The following IGSF3 variants were observed in gnomAD, a reference collection of about 807,000 sequenced individuals.
IGSF3 encodes immunoglobulin superfamily member 3.
In IGSF3, 23 loss-of-function variants were observed where a neutral mutation model predicts 114.4. The ratio of observed to expected loss-of-function variants is 0.20; its 90% CI spans 0.14 to 0.28. The LOEUF (loss-of-function observed/expected upper bound fraction) is 0.28, where lower values mean the gene tolerates loss of function less well. Ranked by LOEUF, IGSF3 falls within the 10% of genes least tolerant of loss-of-function variation. The probability of loss-of-function intolerance (pLI) is 1.00; values close to 1 mark genes in which losing one functional copy is unlikely to be tolerated. For synonymous variants in IGSF3, 571 were observed against 645.2 expected (o/e 0.88, Z 1.74); for missense variants, 1,172 against 1,591.5 (o/e 0.74, Z 4.48).
Position 116,598,981 on chromosome 1 carries a change from A to G in IGSF3, c.2029+960T>C, listed in dbSNP as rs1476900298. Reference sequence around the variant, plus strand: ...TTATGATCCGCTTTGAGACAGACTCAGCCTCCATAGAGAAAGGAGCTCAAA... The same window carrying G: ...TTATGATCCGCTTTGAGACAGACTCGGCCTCCATAGAGAAAGGAGCTCAAA... On this transcript the variant is annotated intron_variant, in intron 7 of 10. Coordinates refer to ENST00000369486, the MANE Select transcript of IGSF3 (RefSeq NM_001007237.3). This position sits in a 1 kb window ranked among gnomAD's most constrained non-coding sequence, Gnocchi z 4.3. Among the ~76,000 whole-genome samples the G allele has an allele frequency of 6.6e-6, 1 of 152,220 alleles. No individual in the cohort carries two copies. The highest frequency in any genetic ancestry group is 1.5e-5 in the Non-Finnish European group (1 of 68,032).
At position 116,610,602 on chromosome 1, in the gene IGSF3, C is replaced by T. The variant is rs1660983801; in HGVS notation, c.833-2271G>A. Among the ~76,000 whole-genome samples the T allele has an allele frequency of 6.6e-6, 1 of 152,174 alleles. No individual in the cohort carries two copies. The highest frequency in any genetic ancestry group is 1.5e-5 in the Non-Finnish European group (1 of 68,030). On this transcript the variant is annotated intron_variant, in intron 4 of 10. Transcript: ENST00000369486. This position sits in a 1 kb window ranked among gnomAD's most constrained non-coding sequence, Gnocchi z 4.3. ...TACCCCCATCCTAACCAAAGGCTTT[C>T]CTCAAGCAGGTTGAGGCCTCTGAGC...
In IGSF3 at chr1:116,584,905, T is replaced by C; in HGVS notation, c.2588A>G (p.Glu863Gly). ...EWFVWKPNHP[E>G]RETVARLSRD... ...GCTCAAGCGGGCCACAGTCTCCCGC[T>C]CAGGGTGGTTGGGCTTCCATACAAA... The change falls in exon 9 of 11, where the codon GAG becomes GGG. Residue 863 changes from glutamate (E) to glycine (G), a missense_variant. This residue lies in a region of IGSF3 where 423 missense variants were observed against 509.8 expected (regional missense o/e 0.83). Transcript: ENST00000369486. The surrounding 1 kb of genome is among the most constrained non-coding windows in gnomAD (Gnocchi z 5.8). The C allele has an allele frequency of 1.2e-6, 2 of 1,614,140 alleles. No individual in the cohort carries two copies.
At position 116,627,036 on chromosome 1, in the gene IGSF3, G is replaced by C. The variant is rs1647319516; in HGVS notation, c.44-10579C>G. 6.6e-6 allele frequency among the ~76,000 whole-genome samples: 1 copy of C among 152,180 alleles called. No homozygotes were observed. Among genetic ancestry groups the C allele is most frequent in the African/African-American group, 2.4e-5 (1 of 41,434 alleles). ...AGAGGGGAAAAAAATTAAAAGGCAA[G>C]ATCAGATTACTTGCCTGTAAATGTT... On this transcript the variant is annotated intron_variant, in intron 2 of 10. Transcript: ENST00000369486. The surrounding 1 kb of genome is among the most constrained non-coding windows in gnomAD (Gnocchi z 4.7).
rs1249159594 is a variant in IGSF3, at chr1:116,592,820, T to C, written c.2030-3716A>G. 6.6e-6 allele frequency among the ~76,000 whole-genome samples: 1 copy of C among 152,192 alleles called. No individual in the cohort carries two copies. The highest frequency in any genetic ancestry group is 2.4e-5 in the African/African-American group (1 of 41,450). ...CAGGGCAGGGACTCTGACCCAATCA[T>C]TGTTAAACTAATCAATGAATGGTTG... is the stretch of plus-strand genomic sequence containing the variant. On this transcript the variant is annotated intron_variant, in intron 7 of 10. Coordinates refer to ENST00000369486, the MANE Select transcript of IGSF3 (RefSeq NM_001007237.3). This position sits in a 1 kb window ranked among gnomAD's most constrained non-coding sequence, Gnocchi z 4.5.
Position 116,661,196 on chromosome 1 carries a change from G to A in IGSF3, c.43+5088C>T, listed in dbSNP as rs1361026328. Among the ~76,000 whole-genome samples, 1 of 152,206 alleles carries A rather than the reference G, an allele frequency of 6.6e-6. No individual in the cohort carries two copies. Among genetic ancestry groups the A allele is most frequent in the Non-Finnish European group, 1.5e-5 (1 of 68,042 alleles). ...TAATCCCAGCTACTCGGGAGGCTGA[G>A]GCAGGAGAATCGCGTGAACCCAGCA... On this transcript the variant is annotated intron_variant, in intron 2 of 10. Coordinates refer to ENST00000369486, the MANE Select transcript of IGSF3 (RefSeq NM_001007237.3). This position sits in a 1 kb window ranked among gnomAD's most constrained non-coding sequence, Gnocchi z 4.0.
chr1:116,655,496 C>T lies in IGSF3; in HGVS notation c.43+10788G>A, dbSNP rs4839548. 0.01 allele frequency among the ~76,000 whole-genome samples: 1,578 copies of T among 152,292 alleles called. 85 individuals are homozygous for T. Among genetic ancestry groups the T allele is most frequent in the Admixed American group, 0.094 (1,440 of 15,298 alleles). On this transcript the variant is annotated intron_variant, in intron 2 of 10. Transcript: ENST00000369486. This position sits in a 1 kb window ranked among gnomAD's most constrained non-coding sequence, Gnocchi z 4.3. ...CCGTGAACGTTGAGAAGTAACCCAA[C>T]GCTGTGAAATGATAATCTTTTTACA...
chr1:116,574,567 A>G lies in IGSF3; in HGVS notation c.*2745T>C, dbSNP rs1320698138. 1 of 152,532 alleles carries G rather than the reference A, an allele frequency of 6.6e-6. No individual in the cohort carries two copies. Among genetic ancestry groups the G allele is most frequent in the African/African-American group, 2.4e-5 (1 of 41,414 alleles). The allele number at this position is 152,532 out of a possible 1,614,324, so 9.4% of individuals were successfully genotyped here. A position where few individuals can be genotyped will look rare whatever the true frequency, so the allele number is the denominator to read the frequency against. On this transcript the variant is annotated 3_prime_UTR_variant, in exon 11 of 11. Transcript: ENST00000369486. The surrounding 1 kb of genome is among the most constrained non-coding windows in gnomAD (Gnocchi z 5.2). The stretch of plus-strand genomic sequence containing the variant: ...TACCCCATCTTTTTTTTTCCTCAAT[A>G]ATTAACGCAGAGAAACCATTGTTTG...
rs74378218 is a variant in IGSF3, at chr1:116,589,642, G to A, written c.2030-538C>T. Among the ~76,000 whole-genome samples the A allele has an allele frequency of 1.3e-5, 2 of 151,866 alleles. No homozygotes were observed. The highest frequency in any genetic ancestry group is 1.3e-4 in the Admixed American group (2 of 15,248). On this transcript the variant is annotated intron_variant, in intron 7 of 10. Transcript: ENST00000369486. This position sits in a 1 kb window ranked among gnomAD's most constrained non-coding sequence, Gnocchi z 5.7. ...GTCTCCTTCTGCCACCTCCCACCCT[G>A]ACCCTTCTCTCCACTTATCCCTCAT...
At position 116,579,622 on chromosome 1, in the gene IGSF3, C is replaced by G; in HGVS notation, c.3104G>C (p.Ser1035Thr). 3 of 1,614,064 alleles carry G rather than the reference C, an allele frequency of 1.9e-6. No individual in the cohort carries two copies. Among genetic ancestry groups the G allele is most frequent in the Non-Finnish European group, 2.5e-6 (3 of 1,179,998 alleles). The part of the protein sequence containing the change: ...DDPTERTALL[S>T]VGPDAVFGPE... ...GCCAAAGACAGCATCTGGGCCCACG[C>G]TCAGCAGGGCCGTCCGCTCTGTTGG... Residue 1035 changes from serine to threonine, a missense_variant, in exon 10 of 11, where the codon AGC becomes ACC. Coordinates refer to ENST00000369486, the MANE Select transcript of IGSF3 (RefSeq NM_001007237.3). This position sits in a 1 kb window ranked among gnomAD's most constrained non-coding sequence, Gnocchi z 6.4.
intron 2 of IGSF3, among the ~76,000 whole-genome samples, chr1:116,619,856 TAGAA>T (rs1349552874): frequency 5.9e-5 from 9 of 151,980 alleles, no homozygotes; most frequent in African/African-American, 1.7e-4. Flanking sequence ...TTCTGTAACA[TAGAA>T]AGAAAGATCA....
intron 2 of IGSF3, among the ~76,000 whole-genome samples, chr1:116,623,913 C>T (rs529460604): frequency 7.4e-4 from 112 of 151,152 alleles, no homozygotes; most frequent in African/African-American, 2.7e-3. Context: ...TGGTGAAACC[C>T]TGTCCCTACT....
At chr1:116,666,175 T>C (rs1165818335) in intron 2 of IGSF3, 109 bp downstream of exon 2, 2 of 1,063,968 alleles carry the variant, frequency 1.9e-6, no homozygotes, top group East Asian at 2.4e-5. Flanking sequence ...GACCGCCTCC[T>C]GGTGTCCCCC....
rs1337489865 is a variant in IGSF3, at chr1:116,584,045, C to T, written c.2848+600G>A. ...CTCTACTAAAAATACACAAATTAGC[C>T]GGGTGTGGTGGCATGAGCCTGTAGT... is the stretch of plus-strand genomic sequence containing the variant. On this transcript the variant is annotated intron_variant, in intron 9 of 10. Coordinates refer to ENST00000369486, the MANE Select transcript of IGSF3 (RefSeq NM_001007237.3). The surrounding 1 kb of genome is among the most constrained non-coding windows in gnomAD (Gnocchi z 5.8). Among the ~76,000 whole-genome samples, 3 of 151,892 alleles carry T rather than the reference C, an allele frequency of 2.0e-5. No homozygotes were observed. Among genetic ancestry groups the T allele is most frequent in the South Asian group, 2.1e-4 (1 of 4,822 alleles).
Position 116,610,231 on chromosome 1 carries a change from C to G in IGSF3, c.833-1900G>C, listed in dbSNP as rs577619804. 6.4e-4 allele frequency among the ~76,000 whole-genome samples: 97 copies of G among 152,290 alleles called. No individual in the cohort carries two copies. The highest frequency in any genetic ancestry group is 2.2e-3 in the African/African-American group (93 of 41,544). ...TAACCCAACATCAATGACAGAAAAG[C>G]ACTCCTTCCACATAAACACCACTGG... On this transcript the variant is annotated intron_variant, in intron 4 of 10. Transcript: ENST00000369486. The surrounding 1 kb of genome is among the most constrained non-coding windows in gnomAD (Gnocchi z 4.3).
chr1:116,595,226 A>G lies in IGSF3; in HGVS notation c.2029+4715T>C, dbSNP rs1229233100. ...CAGTGACCCTGGCTCCTTGATGCCA[A>G]TAACAAGTGCCCCGGTGTTACCATG... On this transcript the variant is annotated intron_variant, in intron 7 of 10. Coordinates refer to ENST00000369486, the MANE Select transcript of IGSF3 (RefSeq NM_001007237.3). The surrounding 1 kb of genome is among the most constrained non-coding windows in gnomAD (Gnocchi z 4.2). 6.6e-6 allele frequency among the ~76,000 whole-genome samples: 1 copy of G among 152,220 alleles called. No homozygotes were observed.
chr1:116,663,098 C>T (rs1467890025), intron 2 of IGSF3, among the ~76,000 whole-genome samples: 1 of 152,240 alleles, frequency 6.6e-6, no homozygotes, highest in Non-Finnish European at 1.5e-5. Flanking sequence ...TCATTGCTAA[C>T]ACTTTTAAAG....
Position 116,625,941 on chromosome 1 carries a change from AGACT to A in IGSF3, c.44-9488_44-9485del, listed in dbSNP as rs2101032034. Among the ~76,000 whole-genome samples, 1 of 152,318 alleles carries A rather than the reference AGACT, an allele frequency of 6.6e-6. No individual in the cohort carries two copies. The highest frequency in any genetic ancestry group is 2.4e-5 in the African/African-American group (1 of 41,558). ...CTGATGTCTGCACTGCTGTGTCACT[AGACT>A]GCCTGATTGTCCTAGGTTGAGACAT... On this transcript the variant is annotated intron_variant, in intron 2 of 10. Coordinates refer to ENST00000369486, the MANE Select transcript of IGSF3 (RefSeq NM_001007237.3). The surrounding 1 kb of genome is among the most constrained non-coding windows in gnomAD (Gnocchi z 4.7).
intron 2 of IGSF3, among the ~76,000 whole-genome samples, chr1:116,619,641 C>G (rs890261189): frequency 6.6e-6 from 1 of 151,840 alleles, no homozygotes; most frequent in Admixed American, 6.6e-5. Flanking sequence ...ATAGTAATAC[C>G]CTGCTGTGCA....
chr1:116,665,006 C>A lies in IGSF3; in HGVS notation c.43+1278G>T, dbSNP rs1398752356. Among the ~76,000 whole-genome samples, 1 of 152,198 alleles carries A rather than the reference C, an allele frequency of 6.6e-6. No individual in the cohort carries two copies. The highest frequency in any genetic ancestry group is 1.5e-5 in the Non-Finnish European group (1 of 68,036). The stretch of plus-strand genomic sequence containing the variant: ...AACATGCACACGAGAGTTTGAGAAC[C>A]ACTGATTGCACAAATCTATTATGAG... On this transcript the variant is annotated intron_variant, in intron 2 of 10. Coordinates refer to ENST00000369486, the MANE Select transcript of IGSF3 (RefSeq NM_001007237.3). This position sits in a 1 kb window ranked among gnomAD's most constrained non-coding sequence, Gnocchi z 4.0.
Sources: gnomAD v4.1 joint callset for allele counts (sites outside exome capture counted in the v4.1 genomes callset) on GRCh38, gnomAD v4.1.1 for gene constraint, gnomAD v4.1.1 regional missense constraint, Gnocchi (gnomAD v3.1) non-coding constraint, MANE v1.5 for transcripts, NCBI Gene and HGNC (gene_info 2026-07-23, HGNC 2026-07-21) for gene names.